Variants in INF2 observed in about 807,000 individuals in gnomAD.
INF2 encodes the protein inverted formin-2.
In INF2, 43 loss-of-function variants were observed where a neutral mutation model predicts 123.5. That is an observed-to-expected ratio of 0.35 (90% CI 0.27 to 0.45). The LOEUF (loss-of-function observed/expected upper bound fraction) is 0.45. INF2 is among the 20% of genes least tolerant of loss of function. The pLI is 1.00. For missense variants in INF2, 1,453 were observed against 1,682.7 expected (o/e 0.86, Z 2.39); for synonymous variants, 851 against 745.0 (o/e 1.14, Z -2.32).
upstream of INF2, chr14:104,689,336 G>A (rs1014827585): frequency 1.2e-6 from 1 of 840,148 alleles, no homozygotes; most frequent in Non-Finnish European, 1.4e-6. Flanking sequence ...CGGACAGTGG[G>A]GGCTGAGGCG....
chr14:104,698,720 T>A (rs953775176), intron 1 of INF2, among the ~76,000 whole-genome samples: 1 of 152,136 alleles, frequency 6.6e-6, no homozygotes, highest in Non-Finnish European at 1.5e-5. Context: ...CATTCTCCGG[T>A]GTAGAGCCTG....
At chr14:104,696,491 G>T (rs2140618375) in intron 1 of INF2, among the ~76,000 whole-genome samples, 1 of 152,352 alleles carries the variant, frequency 6.6e-6, no homozygotes, top group East Asian at 1.9e-4. Context: ...GAGCCACCAG[G>T]TCAGTAGAGG....
At chr14:104,691,592 G>A (rs903190111) in intron 1 of INF2, among the ~76,000 whole-genome samples, 9 of 152,200 alleles carry the variant, frequency 5.9e-5, no homozygotes, top group Non-Finnish European at 7.3e-5. Flanking sequence ...GATGGTGGAC[G>A]GGAAGGCCGG....
rs768458280 is a variant in INF2 at position 104,707,233 on chromosome 14, C to T, written c.986-20C>T. ...TCTCCGGCTCCCTTCTCCCTTGACC[C>T]TGGACATCCCCTACTGCAGCCCAGG... On this transcript the variant is annotated intron_variant, in intron 7 of 22. Transcript: ENST00000392634. 5.0e-6 allele frequency: 8 copies of T among 1,600,342 alleles called. No homozygotes were observed. The South Asian group carries it at 9.0e-5, about 18-fold the overall frequency.
chr14:104,716,567 G>A (rs367728743), intron 22 of INF2, among the ~76,000 whole-genome samples: 2 of 152,360 alleles, frequency 1.3e-5, no homozygotes, highest in East Asian at 3.9e-4. Flanking sequence ...TCCAGTGCCA[G>A]CTCCACGCTC....
chr14:104,707,988 C>T lies in INF2; in HGVS notation c.1721C>T (p.Ser574Phe). Reference protein sequence around the residue: ...MKKLNWQKLPSNVAREHNSMW... With the variant: ...MKKLNWQKLPFNVAREHNSMW... ...AAGCTGAACTGGCAGAAGCTGCCAT[C>T]CAACGTGGCACGTGGTGAGGGTCCC... Residue 574 changes from serine to phenylalanine, a missense_variant, in exon 8 of 23, where the codon TCC becomes TTC. Physicochemically the swap from Ser to Phe is radical, Grantham distance 155. This residue lies in a region of INF2 where 192 missense variants were observed against 274.4 expected (regional missense o/e 0.70). Coordinates refer to ENST00000392634, the MANE Select transcript of INF2 (RefSeq NM_022489.4). 6.3e-7 allele frequency: 1 copy of T among 1,598,240 alleles called. No individual in the cohort carries two copies. Among genetic ancestry groups the T allele is most frequent in the Non-Finnish European group, 8.5e-7 (1 of 1,179,718 alleles).
At chr14:104,690,915 G>A (rs2140595058) in intron 1 of INF2, among the ~76,000 whole-genome samples, 1 of 152,276 alleles carries the variant, frequency 6.6e-6, no homozygotes, top group South Asian at 2.1e-4. Context: ...CCAGGCCTGG[G>A]GTCTGAGACC....
At chr14:104,704,752 T>A (rs1289341555) in intron 5 of INF2, 1 of 152,214 alleles carries the variant, frequency 6.6e-6, no homozygotes, top group Non-Finnish European at 1.5e-5. Flanking sequence ...CAGTGTACCA[T>A]GTGGCAAACA....
chr14:104,710,244 C>A, intron 13 of INF2, 56 bp downstream of exon 13: 3 of 1,342,564 alleles, frequency 2.2e-6, no homozygotes, highest in Admixed American at 2.0e-5. Flanking sequence ...CGAACCGGGG[C>A]GGGAGGGCTG....
At chr14:104,703,895 A>ACCCTGT (rs1049050935) in intron 4 of INF2, 21 bp from the exon 5 acceptor site, 1 of 1,610,666 alleles carries the variant, frequency 6.2e-7, no homozygotes, top group African/African-American at 1.3e-5. Flanking sequence ...GAACCCTCTG[A>ACCCTGT]CCCTGTCCGT....
At chr14:104,711,388 C>T (rs1890040520) in intron 15 of INF2, among the ~76,000 whole-genome samples, 1 of 152,186 alleles carries the variant, frequency 6.6e-6, no homozygotes, top group South Asian at 2.1e-4. Context: ...AGCACTGGCT[C>T]CCCTGCACGA....
intron 22 of INF2, chr14:104,715,902 C>G (rs751135606): frequency 2.2e-6 from 1 of 456,518 alleles, no homozygotes; most frequent in Non-Finnish European, 4.4e-6. Context: ...TGCAACCCCC[C>G]TCCTGTTGGA....
chr14:104,703,837 G>C, intron 4 of INF2, 79 bp from the exon 5 acceptor site: 1 of 1,605,774 alleles, frequency 6.2e-7, no homozygotes, highest in Non-Finnish European at 8.5e-7. Context: ...GCAGGGTCAG[G>C]TGCTCTGGGT....
Position 104,715,332 on chromosome 14 carries a change from TC to T in INF2, c.3745del (p.Gln1249SerfsTer143), listed in dbSNP as rs1566787065. The stretch of plus-strand genomic sequence containing the variant: ...AATAAAACAAAGAAACTGTGTGTGA[TC>T]CAGTAAGGTATGTACGCAGCCGGCG... ...DDNKTKKLCVIQ is the reference protein window; with the variant it reads ...DDNKTKKLCVXQ On this transcript the variant is annotated frameshift_variant, in exon 22 of 23. Transcript: ENST00000392634. LOFTEE classifies it high-confidence loss of function. 6 of 1,613,422 alleles carry T rather than the reference TC, an allele frequency of 3.7e-6. No homozygotes were observed. The South Asian group carries it at 6.6e-5, about 18-fold the overall frequency.
rs118174518 is a variant in INF2, at chr14:104,703,748, G to C, written c.668-168G>C. 8.4e-3 allele frequency among the ~76,000 whole-genome samples: 1,285 copies of C among 152,284 alleles called. 5 individuals are homozygous for C. Among genetic ancestry groups the C allele is most frequent in the Non-Finnish European group, 0.015 (1,010 of 68,014 alleles). ...CCTGCCAGTTCTGGCAGTGAGCCCT[G>C]AGTAAGCATCACTGTGTGTCCAGCA... On this transcript the variant is annotated intron_variant, in intron 4 of 22. Transcript: ENST00000392634.
In INF2 at chr14:104,707,033, G is replaced by A. The variant is rs761806103; in HGVS notation, c.967G>A (p.Val323Met). ...EALESLVNRAVLLASDAQECT... is the reference protein window; with the variant it reads ...EALESLVNRAMLLASDAQECT... ...CCTGGAGAGCCTCGTGAACCGGGCC[G>A]TGCTCCTGGCCAGCGATGGTGAGGG... Residue 323 changes from valine to methionine, a missense_variant, in exon 7 of 23, where the codon GTG (valine) becomes ATG (methionine). This residue lies in a region of INF2 where 374 missense variants were observed against 303.7 expected (regional missense o/e 1.23). Coordinates refer to ENST00000392634, the MANE Select transcript of INF2 (RefSeq NM_022489.4). 8.2e-6 allele frequency: 13 copies of A among 1,583,816 alleles called. No individual in the cohort carries two copies. The highest frequency in any genetic ancestry group is 1.3e-5 in the African/African-American group (1 of 74,686).
In INF2 at chr14:104,707,984, C is replaced by G. The variant is rs1484813694; in HGVS notation, c.1717C>G (p.Pro573Ala). The G allele has an allele frequency of 6.3e-7, 1 of 1,598,254 alleles. No individual in the cohort carries two copies. The highest frequency in any genetic ancestry group is 8.5e-7 in the Non-Finnish European group (1 of 1,179,716). ...RMKKLNWQKL[P>A]SNVAREHNSM... ...GAAGAAGCTGAACTGGCAGAAGCTG[C>G]CATCCAACGTGGCACGTGGTGAGGG... The change falls in exon 8 of 23, where the codon CCA (proline) becomes GCA (alanine). Residue 573 changes from proline (P) to alanine (A), a missense_variant. Coordinates refer to ENST00000392634, the MANE Select transcript of INF2 (RefSeq NM_022489.4).
rs375964325 is a variant in INF2 at position 104,683,869 on chromosome 14, G to A, written c.-104+2287G>A. Among the ~76,000 whole-genome samples, 15 of 152,292 alleles carry A rather than the reference G, an allele frequency of 9.8e-5. No individual in the cohort carries two copies. In the East Asian group the frequency reaches 2.7e-3, roughly 27 times the overall value. ...CACCCCTGCCTCTTCTGAGTCTGCA[G>A]GGTTCAAGGCCAGAAGCAGAGCAAG... On this transcript the variant is annotated intron_variant, in intron 1 of 2. Coordinates refer to the INF2 transcript ENST00000674723.
rs370426339 is a variant in INF2, at chr14:104,712,986, C to T, written c.2769C>T (p.Ala923=). ...CTTTCCGGGACCTTTTCCTCCGCGC[C>T]CTGAAGGTGGGGCAGCCCGGCGGGA... The part of the protein sequence containing the change: ...MKAFRDLFLR[A]LKENKDRKEQ... Residue 923 remains alanine (A), a synonymous_variant, in exon 18 of 23, where the codon GCC becomes GCT. Coordinates refer to ENST00000392634, the MANE Select transcript of INF2 (RefSeq NM_022489.4). The T allele has an allele frequency of 4.1e-5, 66 of 1,612,320 alleles. No homozygotes were observed. The highest frequency in any genetic ancestry group is 5.5e-5 in the Non-Finnish European group (65 of 1,179,800).
Sources: allele counts gnomAD v4.1 joint callset (sites outside exome capture counted in the v4.1 genomes callset), GRCh38; gene constraint gnomAD v4.1.1; regional missense constraint gnomAD v4.1.1; transcripts MANE v1.5; gene names NCBI Gene and HGNC (gene_info 2026-07-23, HGNC 2026-07-21).